The following TUSC3 variants were observed in gnomAD, a reference collection of about 807,000 sequenced individuals.
TUSC3 encodes tumor suppressor candidate 3.
A neutral mutation model predicts 44.8 loss-of-function variants in TUSC3; 45 were observed. The ratio of observed to expected loss-of-function variants is 1.00; its 90% confidence interval spans 0.79 to 1.29. The LOEUF is 1.29. TUSC3 is among the 50% of genes most tolerant of loss of function. TUSC3 has a pLI of 0.00. For synonymous variants in TUSC3, 212 were observed against 152.9 expected (o/e 1.39, Z -2.85); for missense variants, 519 against 437.9 (o/e 1.19, Z -1.65).
the TUSC3 span, among the ~76,000 whole-genome samples, chr8:15,778,004 C>T: frequency 6.6e-6 from 1 of 151,872 alleles, no homozygotes; most frequent in African/African-American, 2.4e-5. Flanking sequence ...ATTTCCCTCT[C>T]CTTGCCCCCT....
At chr8:15,734,956 G>C (rs1171410713) in intron 7 of TUSC3, among the ~76,000 whole-genome samples, 1 of 152,178 alleles carries the variant, frequency 6.6e-6, no homozygotes, top group Non-Finnish European at 1.5e-5. Context: ...TTAGCTACAC[G>C]TAGTAGATGC....
At chr8:15,446,619 C>T (rs1800107307) in intron 1 of TUSC3, among the ~76,000 whole-genome samples, 2 of 151,170 alleles carry the variant, frequency 1.3e-5, no homozygotes, top group Admixed American at 1.3e-4. Flanking sequence ...CCCAGGCGCT[C>T]GGCAGGCTGA....
chr8:15,779,564 T>C, the TUSC3 span, among the ~76,000 whole-genome samples: 8 of 152,292 alleles, frequency 5.3e-5, no homozygotes, highest in Admixed American at 2.6e-4. Context: ...GTAAGTACTT[T>C]AAAAACTTCA....
intron 2 of TUSC3, among the ~76,000 whole-genome samples, chr8:15,634,329 T>TG (rs1563145210): frequency 1.3e-5 from 2 of 152,220 alleles, no homozygotes; most frequent in African/African-American, 4.8e-5. Flanking sequence ...GAATACATTG[T>TG]GTCCACGATT....
At chr8:15,427,822 T>A (rs1799823520) in intron 1 of TUSC3, among the ~76,000 whole-genome samples, 1 of 152,120 alleles carries the variant, frequency 6.6e-6, no homozygotes, top group Admixed American at 6.5e-5. Context: ...AAAAAATCTT[T>A]GACAACACCA....
intron 5 of TUSC3, among the ~76,000 whole-genome samples, chr8:15,669,946 G>A (rs567907453): frequency 1.6e-3 from 241 of 151,706 alleles, no homozygotes; most frequent in African/African-American, 5.5e-3. Flanking sequence ...AATTGGGTAA[G>A]GTTAATGAAT....
At chr8:15,793,875 C>T in the TUSC3 span, among the ~76,000 whole-genome samples, 1 of 152,174 alleles carries the variant, frequency 6.6e-6, no homozygotes, top group East Asian at 1.9e-4. Flanking sequence ...AGGCAGATGT[C>T]ATAGGTCATA....
intron 2 of TUSC3, among the ~76,000 whole-genome samples, chr8:15,635,615 C>T (rs985185048): frequency 1.3e-5 from 2 of 152,130 alleles, no homozygotes; most frequent in African/African-American, 4.8e-5. Context: ...CAGTGAGAGT[C>T]GTAATAGTAG....
At chr8:15,488,740 A>AGAT (rs1800767701) in intron 2 of TUSC3, among the ~76,000 whole-genome samples, 1 of 152,198 alleles carries the variant, frequency 6.6e-6, no homozygotes, top group African/African-American at 2.4e-5. Flanking sequence ...GTGGCAAGAA[A>AGAT]GTGCAGACTG....
At chr8:15,471,512 C>T (rs1055509659) in intron 1 of TUSC3, among the ~76,000 whole-genome samples, 1 of 151,868 alleles carries the variant, frequency 6.6e-6, no homozygotes, top group Admixed American at 6.6e-5. Flanking sequence ...AATGAGATTT[C>T]TTAAATTAAC....
chr8:15,769,961 G>A (rs1812412184), downstream of TUSC3, among the ~76,000 whole-genome samples: 1 of 152,148 alleles, frequency 6.6e-6, no homozygotes, highest in Admixed American at 6.5e-5. Context: ...TTACACTGTT[G>A]GTGGGAGTGT....
At chr8:15,633,244 A>G (rs939852563) in intron 2 of TUSC3, among the ~76,000 whole-genome samples, 4 of 152,158 alleles carry the variant, frequency 2.6e-5, no homozygotes, top group African/African-American at 9.7e-5. Context: ...ATACAGGTAT[A>G]GCAGGATCTG....
At chr8:15,670,203 T>C (rs977580573) in intron 5 of TUSC3, among the ~76,000 whole-genome samples, 2 of 151,862 alleles carry the variant, frequency 1.3e-5, no homozygotes, top group African/African-American at 4.8e-5. Context: ...TTGTGCAGAT[T>C]TTTTTCTGTG....
intron 5 of TUSC3, among the ~76,000 whole-genome samples, chr8:15,665,478 C>CT (rs902855888): frequency 1.1e-4 from 17 of 150,440 alleles, no homozygotes; most frequent in East Asian, 5.9e-4. Flanking sequence ...TTTTTTTTGT[C>CT]TTTTTTTTAC....
intron 1 of TUSC3, among the ~76,000 whole-genome samples, chr8:15,584,980 C>G (rs1563303866): frequency 6.6e-6 from 1 of 152,066 alleles, no homozygotes; most frequent in Non-Finnish European, 1.5e-5. Flanking sequence ...TATTACATAT[C>G]TGCTTATTAA....
chr8:15,551,572 A>G (rs1490722035), intron 1 of TUSC3, among the ~76,000 whole-genome samples: 1 of 151,774 alleles, frequency 6.6e-6, no homozygotes, highest in Non-Finnish European at 1.5e-5. Flanking sequence ...GCCTGTTTCA[A>G]ATACCTAATC....
chr8:15,660,142 A>G (rs927573176), intron 4 of TUSC3, among the ~76,000 whole-genome samples: 6 of 152,110 alleles, frequency 3.9e-5, no homozygotes, highest in Non-Finnish European at 8.8e-5. Context: ...TAGGAATTTA[A>G]CCTAAGGATG....
At chr8:15,553,857 ACAGCAT>A (rs1236547383) in intron 1 of TUSC3, among the ~76,000 whole-genome samples, 1 of 151,748 alleles carries the variant, frequency 6.6e-6, no homozygotes, top group Non-Finnish European at 1.5e-5. Context: ...AGAACAGCTG[ACAGCAT>A]TAGCCTTATA....
At chr8:15,676,008 A>G (rs906523179) in intron 6 of TUSC3, among the ~76,000 whole-genome samples, 1 of 152,066 alleles carries the variant, frequency 6.6e-6, no homozygotes, top group African/African-American at 2.4e-5. Flanking sequence ...AGACATCTCC[A>G]TGTTGTTTTC....
Sources: gnomAD v4.1 joint callset for allele counts (sites outside exome capture counted in the v4.1 genomes callset) on GRCh38, gnomAD v4.1.1 for gene constraint, MANE v1.5 for transcripts, NCBI Gene and HGNC (gene_info 2026-07-23, HGNC 2026-07-21) for gene names.